INTU: variants seen among roughly 807,000 people sequenced by gnomAD.
INTU encodes inturned planar cell polarity protein.
INTU carries 68 observed loss-of-function variants against 100.5 expected under a neutral mutation model. The observed-to-expected ratio is 0.68, with a 90% CI of 0.56 to 0.83. The LOEUF (loss-of-function observed/expected upper bound fraction) is 0.83, where lower values mean the gene tolerates loss of function less well. INTU is among the 40% of genes least tolerant of loss of function. The pLI is 0.00. For missense variants in INTU, 1,071 were observed against 1,114.7 expected (o/e 0.96, Z 0.56); for synonymous variants, 357 against 395.7 (o/e 0.90, Z 1.16).
intron 3 of INTU, among the ~76,000 whole-genome samples, chr4:127,660,935 A>G (rs909417728): frequency 2.0e-5 from 3 of 152,188 alleles, no homozygotes; most frequent in Non-Finnish European, 4.4e-5. Flanking sequence ...TTAAAATAGC[A>G]CTTAACTCTT....
Position 127,719,942 on chromosome 4 carries a change from A to T in INTU, c.*3506A>T, listed in dbSNP as rs541099840. The T allele has an allele frequency of 6.6e-6, 1 of 151,818 alleles. No individual in the cohort carries two copies. Among genetic ancestry groups the T allele is most frequent in the South Asian group, 2.1e-4 (1 of 4,800 alleles). The allele number at this position is 151,818 out of a possible 1,614,324, so 9.4% of individuals were successfully genotyped here. On this transcript the variant is annotated 3_prime_UTR_variant, in exon 16 of 16. Coordinates refer to ENST00000335251, the MANE Select transcript of INTU (RefSeq NM_015693.4). ...TCAAAAAAAAGCAGCCCCTGGATTC[A>T]TTTATTTTTTGAAGGGTTTTTCATG...
chr4:127,670,512 A>G (rs1477539373), intron 5 of INTU, among the ~76,000 whole-genome samples: 2 of 152,008 alleles, frequency 1.3e-5, no homozygotes, highest in Non-Finnish European at 2.9e-5. Flanking sequence ...TTGGGTTCAT[A>G]AAAGCATATT....
intron 2 of INTU, among the ~76,000 whole-genome samples, chr4:127,652,276 G>C (rs1164745325): frequency 6.8e-6 from 1 of 147,506 alleles, no homozygotes; most frequent in African/African-American, 2.6e-5. Context: ...AGTGGTGAGA[G>C]ACGGCATCCC....
rs934694743 is a variant in INTU at position 127,708,582 on chromosome 4, G to T, written c.2283G>T (p.Lys761Asn). Residue 761 changes from lysine to asparagine, a missense_variant, in exon 13 of 16, where the codon AAG becomes AAT. Coordinates refer to ENST00000335251, the MANE Select transcript of INTU (RefSeq NM_015693.4). ...ACTATATTTTTCAGGTCACTAAAAA[G>T]AAGTCTACTCTTCCAAATCCATTTC... ...ESGTLLKVTKKKSTLPNPFHL... is the reference protein window; with the variant it reads ...ESGTLLKVTKNKSTLPNPFHL... 1 of 1,578,682 alleles carries T rather than the reference G, an allele frequency of 6.3e-7. No individual in the cohort carries two copies. Among genetic ancestry groups the T allele is most frequent in the East Asian group, 2.2e-5 (1 of 44,528 alleles).
At chr4:127,668,568 G>A (rs1728792037) in intron 4 of INTU, among the ~76,000 whole-genome samples, 2 of 151,678 alleles carry the variant, frequency 1.3e-5, no homozygotes, top group Admixed American at 1.3e-4. Context: ...CACCAAAAAT[G>A]TTGAATATTG....
chr4:127,682,593 T>G (rs1297740657), intron 6 of INTU, among the ~76,000 whole-genome samples: 242 of 95,300 alleles, frequency 2.5e-3, no homozygotes, highest in African/African-American at 9.7e-3. Flanking sequence ...TGGGGACTTT[T>G]GTGGGGTGGG....
intron 6 of INTU, 115 bp from the exon 7 acceptor site, chr4:127,684,294 T>C: frequency 3.1e-6 from 2 of 638,706 alleles, no homozygotes; most frequent in Non-Finnish European, 5.5e-6. Context: ...TACTCAGAGT[T>C]GACACACATA....
rs574788066 is a variant in INTU, at chr4:127,676,952, G to T, written c.1181+2739G>T. On this transcript the variant is annotated intron_variant, in intron 6 of 15. Transcript: ENST00000335251. ...AAGGCGCACCAGGAGATTATATCCC[G>T]CACATGGCTCGGAGGGTCCTACGCC... Among the ~76,000 whole-genome samples the T allele has an allele frequency of 2.7e-3, 415 of 152,260 alleles. 3 individuals carry two copies. Among genetic ancestry groups the T allele is most frequent in the African/African-American group, 9.4e-3 (391 of 41,562 alleles).
intron 6 of INTU, among the ~76,000 whole-genome samples, chr4:127,681,907 G>GA (rs1729578785): frequency 1.3e-5 from 2 of 151,720 alleles, no homozygotes; most frequent in African/African-American, 2.4e-5. Context: ...AAATCTGCAA[G>GA]AAAAAAACAA....
intron 2 of INTU, among the ~76,000 whole-genome samples, chr4:127,655,023 G>A (rs1467647577): frequency 6.6e-6 from 1 of 151,856 alleles, no homozygotes; most frequent in African/African-American, 2.4e-5. Flanking sequence ...ATCGGCTCCT[G>A]AGGCTTCTGC....
At chr4:127,666,145 A>G (rs1578566791) in intron 4 of INTU, among the ~76,000 whole-genome samples, 1 of 152,130 alleles carries the variant, frequency 6.6e-6, no homozygotes, top group East Asian at 1.9e-4. Flanking sequence ...TTATATATTT[A>G]TTTTTAGAAG....
At chr4:127,703,828 T>A (rs1029009932) in intron 9 of INTU, among the ~76,000 whole-genome samples, 2 of 152,194 alleles carry the variant, frequency 1.3e-5, no homozygotes, top group Admixed American at 6.5e-5. Flanking sequence ...ATACTTAATT[T>A]TTTTTACATA....
intron 1 of INTU, among the ~76,000 whole-genome samples, chr4:127,635,487 A>C (rs1048259982): frequency 6.6e-6 from 1 of 152,190 alleles, no homozygotes; most frequent in South Asian, 2.1e-4. Flanking sequence ...TAATTTTTCA[A>C]AGTGAATTTT....
At chr4:127,705,918 G>C in intron 11 of INTU, 106 bp downstream of exon 11, 1 of 770,312 alleles carries the variant, frequency 1.3e-6, no homozygotes, top group South Asian at 1.7e-5. Context: ...TCTATTGACT[G>C]TCTAAATAAA....
At chr4:127,639,918 A>G (rs963453367) in intron 1 of INTU, among the ~76,000 whole-genome samples, 5 of 152,112 alleles carry the variant, frequency 3.3e-5, no homozygotes, top group Admixed American at 1.3e-4. Flanking sequence ...CTTGATGCTT[A>G]CTTAACTCGG....
At chr4:127,678,504 C>A (rs1171136520) in intron 6 of INTU, among the ~76,000 whole-genome samples, 1 of 152,124 alleles carries the variant, frequency 6.6e-6, no homozygotes, top group African/African-American at 2.4e-5. Context: ...CCAAACTAAG[C>A]TTCATAAGTG....
intron 1 of INTU, among the ~76,000 whole-genome samples, chr4:127,635,122 A>G (rs905038362): frequency 6.6e-6 from 1 of 152,220 alleles, no homozygotes; most frequent in Non-Finnish European, 1.5e-5. Context: ...TGTTTCATAC[A>G]TGCTTTGTAC....
intron 8 of INTU, 135 bp from the exon 9 acceptor site, chr4:127,699,875 T>C: frequency 5.5e-6 from 3 of 545,124 alleles, no homozygotes; most frequent in Admixed American, 3.7e-5. Flanking sequence ...TTTTGAGACA[T>C]TTCCTAAGTA....
At chr4:127,649,366 A>G (rs1727728789) in intron 2 of INTU, among the ~76,000 whole-genome samples, 1 of 152,200 alleles carries the variant, frequency 6.6e-6, no homozygotes, top group Non-Finnish European at 1.5e-5. Flanking sequence ...TTGAAAAGAC[A>G]GTCTAGAACA....
Sources: gnomAD v4.1 joint callset for allele counts (sites outside exome capture counted in the v4.1 genomes callset) on GRCh38, gnomAD v4.1.1 for gene constraint, MANE v1.5 for transcripts, NCBI Gene and HGNC (gene_info 2026-07-23, HGNC 2026-07-21) for gene names.